AJAP1: variants seen among roughly 807,000 people sequenced by gnomAD.
AJAP1 encodes adherens junctions associated protein 1.
Under a neutral mutation model 35.0 loss-of-function variants are expected in AJAP1, and 5 were observed. The ratio of observed to expected loss-of-function variants is 0.14; its 90% CI spans 0.07 to 0.30. The LOEUF is 0.30. Among genes scored for constraint, AJAP1 ranks in the 10% least tolerant of loss-of-function variants. The pLI is 1.00. For synonymous variants in AJAP1, 284 were observed against 249.3 expected, an observed-to-expected ratio of 1.14 and a Z score of -1.31; for missense variants, 586 against 571.0, an observed-to-expected ratio of 1.03 and a Z score of -0.27.
intron 5 of AJAP1, among the ~76,000 whole-genome samples, chr1:4,775,411 C>T (rs535618454): frequency 6.6e-6 from 1 of 152,290 alleles, no homozygotes; most frequent in East Asian, 1.9e-4. Context: ...CCTAAGATCC[C>T]TTCCATGAGT....
intron 1 of AJAP1, among the ~76,000 whole-genome samples, chr1:4,675,889 T>G (rs1488102241): frequency 1.3e-5 from 2 of 152,194 alleles, no homozygotes; most frequent in Non-Finnish European, 2.9e-5. Context: ...GTGGTTTCTC[T>G]CCCGCTAAGG....
chr1:4,696,939 C>G (rs1207228253), intron 1 of AJAP1, among the ~76,000 whole-genome samples: 3 of 149,944 alleles, frequency 2.0e-5, no homozygotes, highest in East Asian at 3.9e-4. Context: ...GCGTGTGTGT[C>G]TCTGCATGTT....
chr1:4,696,760 CTGTG>C (rs1243437784), intron 1 of AJAP1, among the ~76,000 whole-genome samples: 1 of 152,124 alleles, frequency 6.6e-6, no homozygotes, highest in Admixed American at 6.5e-5. Flanking sequence ...GTGCATATGA[CTGTG>C]TGTGCATTCA....
At chr1:4,657,837 C>G (rs1321958047) in intron 1 of AJAP1, among the ~76,000 whole-genome samples, 1 of 151,820 alleles carries the variant, frequency 6.6e-6, no homozygotes, top group African/African-American at 2.4e-5. Context: ...TCTTTTCCCC[C>G]CAAGAGGGAG....
intron 1 of AJAP1, among the ~76,000 whole-genome samples, chr1:4,710,754 T>C (rs1013560678): frequency 6.6e-6 from 1 of 152,220 alleles, no homozygotes; most frequent in African/African-American, 2.4e-5. Flanking sequence ...CTATAATCAG[T>C]CTTCAATTAT....
intron 1 of AJAP1, among the ~76,000 whole-genome samples, chr1:4,695,665 C>T (rs1473548156): frequency 6.6e-6 from 1 of 152,140 alleles, no homozygotes; most frequent in Admixed American, 6.5e-5. Context: ...TGAGGCCGCT[C>T]CTGGGCCTGT....
At chr1:4,730,995 G>A (rs1640784088) in intron 2 of AJAP1, among the ~76,000 whole-genome samples, 1 of 152,178 alleles carries the variant, frequency 6.6e-6, no homozygotes, top group Non-Finnish European at 1.5e-5. Context: ...AAAGGAGATT[G>A]CAAATGTTTT....
At chr1:4,661,915 G>C (rs1639007035) in intron 1 of AJAP1, among the ~76,000 whole-genome samples, 1 of 152,156 alleles carries the variant, frequency 6.6e-6, no homozygotes, top group Non-Finnish European at 1.5e-5. Context: ...AAATAAATAT[G>C]TCACCAAATC....
At chr1:4,714,587 G>A (rs926686901) in intron 2 of AJAP1, among the ~76,000 whole-genome samples, 2 of 152,230 alleles carry the variant, frequency 1.3e-5, no homozygotes, top group Admixed American at 6.5e-5. Flanking sequence ...ATTGGATGTT[G>A]CTAATCCATC....
rs1351084992 is a variant in AJAP1, at chr1:4,761,271, A to G, written c.830-8582A>G. ...GGCCCTGAGAAGGAAAGGTGGATTG[A>G]TGCCTTGGTTTAGGCTTGCAGCTGG... is the stretch of plus-strand genomic sequence containing the variant. On this transcript the variant is annotated intron_variant, in intron 2 of 5. Coordinates refer to ENST00000378191, the MANE Select transcript of AJAP1 (RefSeq NM_018836.4). 3.9e-5 allele frequency among the ~76,000 whole-genome samples: 6 copies of G among 152,216 alleles called. No individual in the cohort carries two copies. The East Asian group carries it at 1.2e-3, about 29-fold the overall frequency.
chr1:4,698,945 T>C (rs72638810), intron 1 of AJAP1, among the ~76,000 whole-genome samples: 14,529 of 152,260 alleles, frequency 0.095, 803 homozygotes, highest in African/African-American at 0.14. Context: ...TAAGGGGTCC[T>C]AGGTCCTGGC....
At chr1:4,687,424 A>T (rs1325014398) in intron 1 of AJAP1, among the ~76,000 whole-genome samples, 1 of 152,190 alleles carries the variant, frequency 6.6e-6, no homozygotes, top group Admixed American at 6.5e-5. Flanking sequence ...GATTCAGGTC[A>T]TGCTCAGCGT....
intron 1 of AJAP1, among the ~76,000 whole-genome samples, chr1:4,658,656 A>C (rs1317441197): frequency 6.6e-6 from 1 of 152,208 alleles, no homozygotes; most frequent in Non-Finnish European, 1.5e-5. Flanking sequence ...ACATCGGTAC[A>C]TACCCCCCTT....
intron 2 of AJAP1, among the ~76,000 whole-genome samples, chr1:4,756,101 G>A (rs945926209): frequency 6.6e-6 from 1 of 152,186 alleles, no homozygotes; most frequent in African/African-American, 2.4e-5. Flanking sequence ...GCAGGAGCCT[G>A]ATGAGAGTTT....
intron 2 of AJAP1, among the ~76,000 whole-genome samples, chr1:4,733,058 C>G (rs1413730971): frequency 6.6e-6 from 1 of 152,144 alleles, no homozygotes; most frequent in Non-Finnish European, 1.5e-5. Flanking sequence ...AATTAAGAAG[C>G]TGTTAAAATG....
At chr1:4,741,450 CTG>C (rs1433283196) in intron 2 of AJAP1, among the ~76,000 whole-genome samples, 1 of 152,182 alleles carries the variant, frequency 6.6e-6, no homozygotes, top group African/African-American at 2.4e-5. Context: ...CCCTACGGCC[CTG>C]TGTGTGTCTG....
intron 4 of AJAP1, 29 bp from the exon 5 acceptor site, chr1:4,774,398 G>A (rs369216456): frequency 7.5e-6 from 12 of 1,610,572 alleles, no homozygotes; most frequent in African/African-American, 1.3e-5. Flanking sequence ...GTACCAGCAC[G>A]CCAAAGCCCA....
chr1:4,755,658 AGTAAGGAATGCTTTACTT>A lies in AJAP1; in HGVS notation c.830-14175_830-14158del, dbSNP rs564324213. 6.6e-5 allele frequency among the ~76,000 whole-genome samples: 10 copies of A among 152,132 alleles called. No homozygotes were observed. In the East Asian group the frequency reaches 7.7e-4, roughly 12 times the overall value. On this transcript the variant is annotated intron_variant, in intron 2 of 5. Transcript: ENST00000378191. ...TATTCAATGAGACTTGTTAGAGAGCAGTAAGGAATGCTTTACTTGTAAGGAATGCTTTACTTGGGGCCA... is the reference window on the plus strand; with the variant it reads ...TATTCAATGAGACTTGTTAGAGAGCAGTAAGGAATGCTTTACTTGGGGCCA...
At chr1:4,659,471 G>A (rs1325124212) in intron 1 of AJAP1, among the ~76,000 whole-genome samples, 3 of 152,170 alleles carry the variant, frequency 2.0e-5, no homozygotes, top group African/African-American at 4.8e-5. Context: ...GGGCTGGTGA[G>A]TCATGAGGCC....
Sources: gnomAD v4.1 joint callset for allele counts (sites outside exome capture counted in the v4.1 genomes callset) on GRCh38, gnomAD v4.1.1 for gene constraint, MANE v1.5 for transcripts, NCBI Gene and HGNC (gene_info 2026-07-23, HGNC 2026-07-21) for gene names.